The following AIMP2 variants were observed in gnomAD, a reference collection of about 807,000 sequenced individuals.
AIMP2 encodes aminoacyl tRNA synthetase complex interacting multifunctional protein 2.
AIMP2 carries 20 observed loss-of-function variants against 23.4 expected under a neutral mutation model. The ratio of observed to expected loss-of-function variants is 0.85; its 90% CI spans 0.60 to 1.24. AIMP2 has a LOEUF of 1.24. Ranked by LOEUF, AIMP2 falls within the 50% of genes most tolerant of loss-of-function variation. The pLI is 0.00. For synonymous variants in AIMP2, 210 were observed against 170.4 expected, an observed-to-expected ratio of 1.23 and a Z score of -1.81; for missense variants, 515 against 414.5, an observed-to-expected ratio of 1.24 and a Z score of -2.10.
At position 6,023,657 on chromosome 7, in the gene AIMP2, C is replaced by T; in HGVS notation, c.929C>T (p.Ala310Val). 1 of 1,614,064 alleles carries T rather than the reference C, an allele frequency of 6.2e-7. No individual in the cohort carries two copies. The highest frequency in any genetic ancestry group is 8.5e-7 in the Non-Finnish European group (1 of 1,179,998). Residue 310 changes from alanine (A) to valine (V), a missense_variant, in exon 4 of 4, where the codon GCT becomes GTT. Ala to Val is a moderately conservative substitution (Grantham distance 64, BLOSUM62 0). Transcript: ENST00000223029. ...QRWMRSCENLAPFNTALKLLK is the reference protein window; with the variant it reads ...QRWMRSCENLVPFNTALKLLK ...TGGATGAGGTCTTGTGAAAACCTGG[C>T]TCCTTTTAACACGGCCCTCAAGCTC...
chr7:6,023,336 C>T lies in AIMP2; in HGVS notation c.608C>T (p.Thr203Met), dbSNP rs766467029. The change falls in exon 4 of 4, where the codon ACG becomes ATG. Residue 203 changes from threonine to methionine, a missense_variant. Thr to Met is a moderately conservative substitution (Grantham distance 81). Transcript: ENST00000223029. ...PKTQMKFSIQ[T>M]MCPIEGEGNI... ...ACGCAGATGAAATTCAGCATCCAGA[C>T]GATGTGCCCCATCGAAGGCGAAGGG... 64 of 1,607,678 alleles carry T rather than the reference C, an allele frequency of 4.0e-5. No homozygotes were observed. The highest frequency in any genetic ancestry group is 1.7e-4 in the Middle Eastern group (1 of 6,048).
intron 1 of AIMP2, among the ~76,000 whole-genome samples, chr7:6,013,753 G>C (rs1354043704): frequency 1.3e-5 from 2 of 152,086 alleles, no homozygotes; most frequent in African/African-American, 2.4e-5. Flanking sequence ...TTTGAGACCA[G>C]CCTGAGCAAC....
intron 3 of AIMP2, chr7:6,023,075 C>G (rs1239645785): frequency 1.9e-6 from 1 of 526,518 alleles, no homozygotes; most frequent in Non-Finnish European, 3.2e-6. Context: ...GTGTCATAAT[C>G]AAATACCAGG....
chr7:6,018,298 C>T (rs551177757), intron 3 of AIMP2, among the ~76,000 whole-genome samples: 1 of 151,478 alleles, frequency 6.6e-6, no homozygotes, highest in African/African-American at 2.4e-5. Flanking sequence ...AGGCGCGCAC[C>T]ACCAGGCCCA....
rs115159458 is a variant in AIMP2, at chr7:6,017,614, G to A, written c.343-200G>A. Among the ~76,000 whole-genome samples, 1,181 of 152,044 alleles carry A rather than the reference G, an allele frequency of 7.8e-3. 11 individuals carry two copies. Among genetic ancestry groups the A allele is most frequent in the African/African-American group, 0.027 (1,116 of 41,476 alleles). On this transcript the variant is annotated intron_variant, in intron 2 of 3. Coordinates refer to ENST00000223029, the MANE Select transcript of AIMP2 (RefSeq NM_006303.4). ...TGTTGGGGGTAAGGGGGTGGAGTCCGCTCATATCCCAGCTCCACTCCGTCC... is the reference window on the plus strand; with the variant it reads ...TGTTGGGGGTAAGGGGGTGGAGTCCACTCATATCCCAGCTCCACTCCGTCC...
In AIMP2 at chr7:6,015,178, G is replaced by A. The variant is rs756418478; in HGVS notation, c.168G>A (p.Glu56=). 3 of 1,614,128 alleles carry A rather than the reference G, an allele frequency of 1.9e-6. No homozygotes were observed. The highest frequency in any genetic ancestry group is 1.7e-6 in the Non-Finnish European group (2 of 1,180,008). The change falls in exon 2 of 4, where the codon GAG becomes GAA. Residue 56 remains glutamate (E), a synonymous_variant. Transcript: ENST00000223029. ...CTAACCTGTCTCTGCAAGCTCTTGA[G>A]TCCCGCCAAGATGATATTTTAAAAC... is the stretch of plus-strand genomic sequence containing the variant. The part of the protein sequence containing the change: ...EESNLSLQAL[E]SRQDDILKRL...
At position 6,009,468 on chromosome 7, in the gene AIMP2, C is replaced by T. The variant is rs529613640; in HGVS notation, c.105C>T (p.Tyr35=). 1.3e-6 allele frequency: 2 copies of T among 1,590,180 alleles called. No individual in the cohort carries two copies. Among genetic ancestry groups the T allele is most frequent in the African/African-American group, 1.4e-5 (1 of 73,398 alleles). The change falls in exon 1 of 4, where the codon TAC becomes TAT. Residue 35 remains tyrosine (Y), a synonymous_variant. Transcript: ENST00000223029. ...TCCCCAACGTGCACGGCAGGAGCTA[C>T]GGCCCAGCGCCGGGCGCTGGCCACG... ...YRLPNVHGRS[Y]GPAPGAGHVQ... is the part of the protein sequence containing the mutation.
chr7:6,020,798 TAAGTA>T (rs1169188242), intron 3 of AIMP2, among the ~76,000 whole-genome samples: 4 of 152,084 alleles, frequency 2.6e-5, no homozygotes, highest in South Asian at 4.1e-4. Context: ...GGACATCTAT[TAAGTA>T]AAGAAGGGAA....
In AIMP2 at chr7:6,023,560, G is replaced by C; in HGVS notation, c.832G>C (p.Asp278His). 1 of 1,614,244 alleles carries C rather than the reference G, an allele frequency of 6.2e-7. No individual in the cohort carries two copies. Among genetic ancestry groups the C allele is most frequent in the Non-Finnish European group, 8.5e-7 (1 of 1,180,056 alleles). Residue 278 changes from aspartate (D) to histidine (H), a missense_variant, in exon 4 of 4, where the codon GAC (aspartate) becomes CAC (histidine). By Grantham distance (81) the Asp-to-His change is moderately conservative. Coordinates refer to ENST00000223029, the MANE Select transcript of AIMP2 (RefSeq NM_006303.4). Reference protein sequence around the residue: ...WLAGNELTVADVVLWSVLQQI... With the variant: ...WLAGNELTVAHVVLWSVLQQI... Reference sequence around the variant, plus strand: ...CGCTGGGAATGAACTCACCGTAGCAGACGTGGTGCTGTGGTCTGTACTCCA... The same window carrying C: ...CGCTGGGAATGAACTCACCGTAGCACACGTGGTGCTGTGGTCTGTACTCCA...
intron 3 of AIMP2, among the ~76,000 whole-genome samples, chr7:6,019,505 A>C (rs1787248361): frequency 7.2e-6 from 1 of 138,294 alleles, no homozygotes; most frequent in African/African-American, 2.6e-5. Flanking sequence ...AAAAAAAAAG[A>C]GATCTCTTGA....
intron 3 of AIMP2, chr7:6,022,498 G>A (rs1005408872): frequency 6.6e-6 from 1 of 152,200 alleles, no homozygotes; most frequent in African/African-American, 2.4e-5. Flanking sequence ...ACATGGTTTT[G>A]ATAAGAGGCA....
chr7:6,015,350 A>C lies in AIMP2; in HGVS notation c.340A>C (p.Lys114Gln), dbSNP rs758656381. Residue 114 changes from lysine (K) to glutamine (Q), a missense_variant and splice_region_variant, in exon 2 of 4, where the codon AAG becomes CAG. By Grantham distance (53) the Lys-to-Gln change is moderately conservative. Transcript: ENST00000223029. ...NALDLNSVLG[K>Q]DYGALKDIVI... is the part of the protein sequence containing the mutation. ...GCTGGACTTGAATTCAGTGCTTGGGAAGGTAGGTTCGTTTTGAAAGCTGAA... is the reference window on the plus strand; with the variant it reads ...GCTGGACTTGAATTCAGTGCTTGGGCAGGTAGGTTCGTTTTGAAAGCTGAA... The C allele has an allele frequency of 6.2e-7, 1 of 1,614,054 alleles. No homozygotes were observed. Among genetic ancestry groups the C allele is most frequent in the Non-Finnish European group, 8.5e-7 (1 of 1,179,954 alleles).
At position 6,015,300 on chromosome 7, in the gene AIMP2, A is replaced by C. The variant is rs374687277; in HGVS notation, c.290A>C (p.Glu97Ala). ...GTAACCAACATAATCCAAGCGGATG[A>C]GCCCACGACTTTAACCACCAATGCG... is the stretch of plus-strand genomic sequence containing the variant. ...LDVTNIIQAD[E>A]PTTLTTNALD... The change falls in exon 2 of 4, where the codon GAG (glutamate) becomes GCG (alanine). Residue 97 changes from glutamate to alanine, a missense_variant. Physicochemically the swap from Glu to Ala is moderately radical, Grantham distance 107. Transcript: ENST00000223029. 4.3e-6 allele frequency: 7 copies of C among 1,614,216 alleles called. No individual in the cohort carries two copies. The highest frequency in any genetic ancestry group is 1.3e-5 in the African/African-American group (1 of 75,066).
At position 6,009,319 on chromosome 7, in the gene AIMP2, C is replaced by A; in HGVS notation, c.-45C>A. 1 of 1,611,398 alleles carries A rather than the reference C, an allele frequency of 6.2e-7. No homozygotes were observed. The highest frequency in any genetic ancestry group is 8.5e-7 in the Non-Finnish European group (1 of 1,179,868). ...GTCGTGACCTCTGACGGTTTCTGAG[C>A]GTTGGCCTTTGGCACGCGCTACCCC... On this transcript the variant is annotated 5_prime_UTR_variant, in exon 1 of 4. Transcript: ENST00000223029.
At chr7:6,014,834 C>T (rs1003978342) in intron 1 of AIMP2, 14 of 309,590 alleles carry the variant, frequency 4.5e-5, no homozygotes, top group South Asian at 1.3e-4. Flanking sequence ...GTTCTCCTGC[C>T]TCACCCTCCC....
intron 3 of AIMP2, among the ~76,000 whole-genome samples, chr7:6,021,514 C>T (rs545171876): frequency 3.3e-5 from 5 of 152,052 alleles, no homozygotes; most frequent in East Asian, 1.9e-4. Context: ...ATAGGATTTA[C>T]GACAATCAAG....
At chr7:6,017,675 C>T (rs897861443) in intron 2 of AIMP2, 139 bp from the exon 3 acceptor site, 3 of 700,778 alleles carry the variant, frequency 4.3e-6, no homozygotes, top group East Asian at 2.7e-5. Context: ...CTGGCTGCAA[C>T]GTGGAGATGA....
At chr7:6,022,117 C>T (rs1259326470) in intron 3 of AIMP2, 1 of 152,094 alleles carries the variant, frequency 6.6e-6, no homozygotes, top group East Asian at 1.9e-4. Context: ...GCTTTGTCTC[C>T]CAGGCTGGAG....
chr7:6,018,363 T>C (rs1283098748), intron 3 of AIMP2, among the ~76,000 whole-genome samples: 1 of 150,540 alleles, frequency 6.6e-6, no homozygotes, highest in Non-Finnish European at 1.5e-5. Context: ...TTGGTCAGGC[T>C]GGTCTCAAAC....
Sources: gnomAD v4.1 joint callset for allele counts (sites outside exome capture counted in the v4.1 genomes callset) on GRCh38, gnomAD v4.1.1 for gene constraint, MANE v1.5 for transcripts, NCBI Gene and HGNC (gene_info 2026-07-23, HGNC 2026-07-21) for gene names.